ZBTB46: variants seen among roughly 807,000 people sequenced by gnomAD.
ZBTB46 encodes zinc finger and BTB domain-containing protein 46.
Under a neutral mutation model 44.1 loss-of-function variants are expected in ZBTB46, and 8 were observed. That is an observed-to-expected ratio of 0.18 (90% CI 0.11 to 0.33). The LOEUF is 0.33. Ranked by LOEUF, ZBTB46 falls within the 10% of genes least tolerant of loss-of-function variation. The probability of loss-of-function intolerance (pLI) is 1.00; values close to 1 mark genes in which losing one functional copy is unlikely to be tolerated. For missense variants in ZBTB46, 651 were observed against 847.7 expected, an observed-to-expected ratio of 0.77 and a Z score of 2.88; for synonymous variants, 409 against 382.3, an observed-to-expected ratio of 1.07 and a Z score of -0.81.
intron 3 of ZBTB46, among the ~76,000 whole-genome samples, chr20:63,762,682 AAAAAAC>A (rs769140719): frequency 0.017 from 2,538 of 151,736 alleles, 79 homozygotes; most frequent in African/African-American, 0.058. Flanking sequence ...ACAAACAAAA[AAAAAAC>A]CAACTGAGCT....
At chr20:63,784,352 G>C (rs941026796) in intron 2 of ZBTB46, among the ~76,000 whole-genome samples, 1 of 152,172 alleles carries the variant, frequency 6.6e-6, no homozygotes, top group African/African-American at 2.4e-5. Flanking sequence ...CTAGGCACCC[G>C]AGAGGCCATT....
chr20:63,827,719 A>G (rs2092827580), intron 1 of ZBTB46, among the ~76,000 whole-genome samples: 1 of 152,238 alleles, frequency 6.6e-6, no homozygotes, highest in Non-Finnish European at 1.5e-5. Flanking sequence ...TATGGTAGCA[A>G]ATTTTTAATC....
chr20:63,802,959 T>C (rs1183994816), intron 1 of ZBTB46, among the ~76,000 whole-genome samples: 2 of 152,178 alleles, frequency 1.3e-5, no homozygotes, highest in East Asian at 1.9e-4. Context: ...TTTACGACGT[T>C]CCCTTTGTGG....
intron 2 of ZBTB46, among the ~76,000 whole-genome samples, chr20:63,779,198 CA>C (rs58429504): frequency 0.54 from 82,169 of 151,274 alleles, 22,485 homozygotes; most frequent in South Asian, 0.62. Flanking sequence ...TAACAGGCTT[CA>C]AAAAAAATCA....
At chr20:63,826,288 G>A (rs1040691407) in intron 1 of ZBTB46, among the ~76,000 whole-genome samples, 8 of 152,258 alleles carry the variant, frequency 5.3e-5, no homozygotes, top group Non-Finnish European at 8.8e-5. Context: ...TTTAGAAACT[G>A]ATTGTTCACA....
Position 63,744,344 on chromosome 20 carries a change from A to C in ZBTB46, c.*2586T>G, listed in dbSNP as rs1387178662. 1 of 152,252 alleles carries C rather than the reference A, an allele frequency of 6.6e-6. No homozygotes were observed. The highest frequency in any genetic ancestry group is 1.5e-5 in the Non-Finnish European group (1 of 68,062). 9.4% of individuals were successfully genotyped at this position (152,252 alleles called of 1,614,324 possible). ...TGTGTCCCAAAGCTCAGAGAGCCCC[A>C]GTGTACAACCTGGTCAGGATCCAGA... On this transcript the variant is annotated 3_prime_UTR_variant, in exon 5 of 5. Transcript: ENST00000245663.
At chr20:63,804,213 C>T (rs184194005) in intron 1 of ZBTB46, among the ~76,000 whole-genome samples, 49 of 152,290 alleles carry the variant, frequency 3.2e-4, no homozygotes, top group Non-Finnish European at 6.2e-4. Context: ...ACCAGTCACA[C>T]GCAGGGGAAG....
At position 63,803,516 on chromosome 20, in the gene ZBTB46, T is replaced by C. The variant is rs1175289861; in HGVS notation, c.-33-12726A>G. ...GGTTTTCCACATGGCAGCCCCCATG[T>C]GGCCATCTGAAGATGCAAAGCCATG... On this transcript the variant is annotated intron_variant, in intron 1 of 4. Transcript: ENST00000245663. The surrounding 1 kb of genome is among the most constrained non-coding windows in gnomAD (Gnocchi z 4.0). The C allele has an allele frequency of 1.0e-6, 1 of 985,216 alleles. No homozygotes were observed. Among genetic ancestry groups the C allele is most frequent in the Non-Finnish European group, 1.2e-6 (1 of 829,902 alleles). The allele number at this position is 985,216 out of a possible 1,614,324, so 61.0% of individuals were successfully genotyped here.
intron 3 of ZBTB46, among the ~76,000 whole-genome samples, chr20:63,765,118 T>C (rs967352351): frequency 1.6e-4 from 24 of 151,796 alleles, no homozygotes; most frequent in African/African-American, 4.8e-4. Flanking sequence ...TGTGTGTGTG[T>C]GCGTGTGTGT....
intron 1 of ZBTB46, among the ~76,000 whole-genome samples, chr20:63,791,233 T>C (rs566207640): frequency 6.6e-6 from 1 of 152,200 alleles, no homozygotes; most frequent in East Asian, 1.9e-4. Flanking sequence ...CGGTGGCTCA[T>C]GCCTGTAATC....
chr20:63,743,978 CCTT>C lies in ZBTB46; in HGVS notation c.*2949_*2951del, dbSNP rs1327539569. On this transcript the variant is annotated 3_prime_UTR_variant, in exon 5 of 5. Coordinates refer to ENST00000245663, the MANE Select transcript of ZBTB46 (RefSeq NM_001369741.1). ...AAAATCAACAATCTTCAAACACTGC[CCTT>C]TTTTTGTGTGTTTTGTTTTTGTTGA... The C allele has an allele frequency of 6.6e-6, 1 of 152,412 alleles. No homozygotes were observed. The highest frequency in any genetic ancestry group is 2.4e-5 in the African/African-American group (1 of 41,284). 9.4% of individuals were successfully genotyped at this position (152,412 alleles called of 1,614,324 possible).
intron 3 of ZBTB46, among the ~76,000 whole-genome samples, chr20:63,772,065 G>A (rs1186551018): frequency 6.7e-6 from 1 of 148,934 alleles, no homozygotes; most frequent in Non-Finnish European, 1.5e-5. Context: ...CATGATCTCG[G>A]CTCACGGCAA....
At chr20:63,833,058 G>T (rs150368712), upstream of ZBTB46, among the ~76,000 whole-genome samples, 556 of 152,278 alleles carry the variant, frequency 3.7e-3, 1 homozygote, top group Non-Finnish European at 6.7e-3. Context: ...TTGCGCAAAA[G>T]AGAACCCCAG....
rs1024873924 is a variant in ZBTB46 at position 63,803,002 on chromosome 20, C to A, written c.-33-12212G>T. ...ACATGGCAGCCCCAGGTCACTGACG[C>A]CCCGTTTCTACCACCAAAGAGCGCG... On this transcript the variant is annotated intron_variant, in intron 1 of 4. Transcript: ENST00000245663. The surrounding 1 kb of genome is among the most constrained non-coding windows in gnomAD (Gnocchi z 4.0). Among the ~76,000 whole-genome samples, 1 of 152,154 alleles carries A rather than the reference C, an allele frequency of 6.6e-6. No individual in the cohort carries two copies. The highest frequency in any genetic ancestry group is 1.5e-5 in the Non-Finnish European group (1 of 68,034).
intron 2 of ZBTB46, among the ~76,000 whole-genome samples, chr20:63,785,353 G>A (rs1176722832): frequency 6.6e-6 from 1 of 151,654 alleles, no homozygotes; most frequent in East Asian, 1.9e-4. Flanking sequence ...TTGAGGTCAG[G>A]AGTTCGAGAC....
intron 1 of ZBTB46, among the ~76,000 whole-genome samples, chr20:63,807,376 G>A (rs749194575): frequency 2.6e-5 from 4 of 152,172 alleles, no homozygotes; most frequent in East Asian, 1.9e-4. Context: ...GTTTGGTCTC[G>A]CTCTGTCACC....
At chr20:63,806,407 C>CAAAAAAAAA (rs58233169) in intron 1 of ZBTB46, among the ~76,000 whole-genome samples, 5 of 91,428 alleles carry the variant, frequency 5.5e-5, no homozygotes, top group African/African-American at 1.6e-4. Flanking sequence ...AACTCCATCT[C>CAAAAAAAAA]AAAAAAAAAA....
In ZBTB46 at chr20:63,803,607, C is replaced by T. The variant is rs1206968986; in HGVS notation, c.-33-12817G>A. 11 of 808,254 alleles carry T rather than the reference C, an allele frequency of 1.4e-5. No individual in the cohort carries two copies. Among genetic ancestry groups the T allele is most frequent in the African/African-American group, 7.5e-5 (4 of 53,576 alleles). 50.1% of individuals were successfully genotyped at this position (808,254 alleles called of 1,614,324 possible). Reference sequence around the variant, plus strand: ...TCTCTGTCGGAGGCCCTGCCAGCCCCGCCCCTCCCTGCCCACTGGCCCCTT... The same window carrying T: ...TCTCTGTCGGAGGCCCTGCCAGCCCTGCCCCTCCCTGCCCACTGGCCCCTT... On this transcript the variant is annotated intron_variant, in intron 1 of 4. Transcript: ENST00000245663. This position sits in a 1 kb window ranked among gnomAD's most constrained non-coding sequence, Gnocchi z 4.0.
At position 63,786,373 on chromosome 20, in the gene ZBTB46, G is replaced by A. The variant is rs75165887; in HGVS notation, c.937+3448C>T. Among the ~76,000 whole-genome samples the A allele has an allele frequency of 4.6e-5, 7 of 152,300 alleles. No individual in the cohort carries two copies. The East Asian group carries it at 1.3e-3, about 29-fold the overall frequency. On this transcript the variant is annotated intron_variant, in intron 2 of 4. Transcript: ENST00000245663. ...ACCAACGGGGGATCCAAAGGCAGGTGCTCCTGGCATCTGTGGGTGGAGGCC... is the reference window on the plus strand; with the variant it reads ...ACCAACGGGGGATCCAAAGGCAGGTACTCCTGGCATCTGTGGGTGGAGGCC...
Sources: allele counts gnomAD v4.1 joint callset (sites outside exome capture counted in the v4.1 genomes callset), GRCh38; gene constraint gnomAD v4.1.1; non-coding constraint Gnocchi (gnomAD v3.1); transcripts MANE v1.5; gene names NCBI Gene and HGNC (gene_info 2026-07-23, HGNC 2026-07-21).